The following HUNK variants were observed in gnomAD, a reference collection of about 807,000 sequenced individuals.
HUNK encodes the protein hormonally up-regulated Neu-associated kinase, also known as hormonally up-regulated neu tumor-associated kinase.
Under a neutral mutation model 61.0 loss-of-function variants are expected in HUNK, and 21 were observed. The ratio of observed to expected loss-of-function variants is 0.34; its 90% CI spans 0.24 to 0.50. The LOEUF (loss-of-function observed/expected upper bound fraction) is 0.50, where lower values mean the gene tolerates loss of function less well. HUNK is among the 20% of genes least tolerant of loss of function. The probability of loss-of-function intolerance (pLI) is 0.98; values close to 1 mark genes in which losing one functional copy is unlikely to be tolerated. For missense variants in HUNK, 772 were observed against 945.7 expected (o/e 0.82, Z 2.41); for synonymous variants, 371 against 386.1 (o/e 0.96, Z 0.46).
intron 4 of HUNK, among the ~76,000 whole-genome samples, chr21:31,949,613 G>T (rs574357280): frequency 4.6e-5 from 7 of 152,106 alleles, no homozygotes; most frequent in African/African-American, 1.4e-4. Context: ...AAGCACAAAA[G>T]GCTATGGGAG....
At chr21:31,958,273 C>G (rs2052903126) in intron 4 of HUNK, among the ~76,000 whole-genome samples, 1 of 151,626 alleles carries the variant, frequency 6.6e-6, no homozygotes, top group South Asian at 2.1e-4. Context: ...CATTCAAGTG[C>G]TCTCACCCAA....
intron 4 of HUNK, among the ~76,000 whole-genome samples, chr21:31,955,099 T>G (rs2052879339): frequency 6.6e-6 from 1 of 152,098 alleles, no homozygotes; most frequent in African/African-American, 2.4e-5. Flanking sequence ...ATGTGCATTT[T>G]CAACAAGTTC....
chr21:31,902,760 G>A (rs2052477745), intron 1 of HUNK, among the ~76,000 whole-genome samples: 1 of 152,056 alleles, frequency 6.6e-6, no homozygotes, highest in South Asian at 2.1e-4. Flanking sequence ...GTTAATTTAG[G>A]CCACTAAATG....
intron 1 of HUNK, among the ~76,000 whole-genome samples, chr21:31,880,106 T>TCCATCA (rs1844693148): frequency 6.6e-6 from 1 of 152,146 alleles, no homozygotes; most frequent in African/African-American, 2.4e-5. Context: ...TTCCCTCTCC[T>TCCATCA]CCATCACCAG....
At chr21:31,994,390 T>G (rs940139653) in intron 9 of HUNK, among the ~76,000 whole-genome samples, 11 of 152,222 alleles carry the variant, frequency 7.2e-5, no homozygotes, top group Non-Finnish European at 5.9e-5. Context: ...CTGCAGACTT[T>G]GAACATCCTT....
intron 2 of HUNK, among the ~76,000 whole-genome samples, chr21:31,930,156 T>TC (rs995049122): frequency 6.6e-6 from 1 of 152,224 alleles, no homozygotes; most frequent in African/African-American, 2.4e-5. Flanking sequence ...GACCCCCTTG[T>TC]CCATATGCTG....
intron 5 of HUNK, among the ~76,000 whole-genome samples, chr21:31,961,883 A>G (rs1477256235): frequency 6.6e-6 from 1 of 152,224 alleles, no homozygotes; most frequent in Non-Finnish European, 1.5e-5. Flanking sequence ...ATTTCATTGT[A>G]TTAGTCAGAA....
At chr21:31,939,784 G>A (rs1427040264) in intron 2 of HUNK, among the ~76,000 whole-genome samples, 1 of 150,554 alleles carries the variant, frequency 6.6e-6, no homozygotes, top group South Asian at 2.1e-4. Context: ...ACCAACCCAG[G>A]GCCACATTCA....
intron 1 of HUNK, among the ~76,000 whole-genome samples, chr21:31,900,542 T>A (rs936492265): frequency 5.9e-5 from 9 of 151,876 alleles, no homozygotes; most frequent in Non-Finnish European, 1.3e-4. Flanking sequence ...CTCGGTAGAA[T>A]GCAGGTCTCC....
intron 1 of HUNK, among the ~76,000 whole-genome samples, chr21:31,919,421 C>A (rs73191259): frequency 1.8e-4 from 27 of 152,182 alleles, no homozygotes; most frequent in Non-Finnish European, 3.2e-4. Context: ...GGAAGAACTG[C>A]CTAAAGAAAA....
intron 1 of HUNK, among the ~76,000 whole-genome samples, chr21:31,914,315 G>A (rs1319481029): frequency 6.8e-6 from 1 of 147,066 alleles, no homozygotes; most frequent in Non-Finnish European, 1.5e-5. Context: ...GGCTGAGGCA[G>A]GAGAATCGCT....
intron 7 of HUNK, among the ~76,000 whole-genome samples, chr21:31,980,249 T>A (rs532349665): frequency 6.6e-6 from 1 of 152,214 alleles, no homozygotes; most frequent in East Asian, 1.9e-4. Context: ...TTTTTGTATT[T>A]TTAGTAGAGA....
chr21:31,939,399 G>GGTTTTTTTTTTTTTTTTTTTTT (rs2052753523), intron 2 of HUNK, among the ~76,000 whole-genome samples: 1 of 66,720 alleles, frequency 1.5e-5, no homozygotes, highest in Non-Finnish European at 2.7e-5. Context: ...GCTTTCATGT[G>GGTTTTTTTTTTTTTTTTTTTTT]TTTTTTTTTT....
At chr21:31,932,817 G>A (rs1479236120) in intron 2 of HUNK, among the ~76,000 whole-genome samples, 1 of 151,730 alleles carries the variant, frequency 6.6e-6, no homozygotes, top group East Asian at 1.9e-4. Flanking sequence ...TGGTATATCG[G>A]TGTTGCCTGT....
intron 2 of HUNK, among the ~76,000 whole-genome samples, chr21:31,933,779 T>G (rs1329271036): frequency 7.3e-6 from 1 of 137,282 alleles, no homozygotes; most frequent in Non-Finnish European, 1.5e-5. Context: ...AGCAAGACTC[T>G]GTCTCAAAAA....
intron 1 of HUNK, among the ~76,000 whole-genome samples, chr21:31,897,439 A>G (rs1053224352): frequency 6.6e-6 from 1 of 152,170 alleles, no homozygotes; most frequent in African/African-American, 2.4e-5. Context: ...CCTGGCTTGA[A>G]GGGCATCCTC....
chr21:31,973,083 C>T (rs555585334), intron 6 of HUNK, among the ~76,000 whole-genome samples: 1 of 152,272 alleles, frequency 6.6e-6, no homozygotes, highest in Non-Finnish European at 1.5e-5. Context: ...AGTGGCTCTC[C>T]AGCCAGATAA....
chr21:31,983,442 C>A, intron 7 of HUNK, 84 bp from the exon 8 acceptor site: 2 of 1,066,204 alleles, frequency 1.9e-6, no homozygotes, highest in Non-Finnish European at 2.9e-6. Context: ...CTCAGCCAAG[C>A]GCTGGTTTAA....
At chr21:31,968,715 AGTGTGTGTGTGTGT>A (rs746064468) in intron 6 of HUNK, among the ~76,000 whole-genome samples, 12 of 88,344 alleles carry the variant, frequency 1.4e-4, no homozygotes, top group South Asian at 9.8e-4. Flanking sequence ...CTGTGGCCCG[AGTGTGTGTGTGTGT>A]GTGTGTGTGT....
Sources: gnomAD v4.1 joint callset for allele counts (sites outside exome capture counted in the v4.1 genomes callset) on GRCh38, gnomAD v4.1.1 for gene constraint, MANE v1.5 for transcripts, NCBI Gene and HGNC (gene_info 2026-07-23, HGNC 2026-07-21) for gene names.